MECOM: variants seen among roughly 807,000 people sequenced by gnomAD.
MECOM encodes histone-lysine N-methyltransferase MECOM.
Under a neutral mutation model 116.3 loss-of-function variants are expected in MECOM, and 13 were observed. That is an observed-to-expected ratio of 0.11 (90% CI 0.07 to 0.18). MECOM has a LOEUF of 0.18. MECOM is among the 10% of genes least tolerant of loss of function. The pLI is 1.00. For synonymous variants in MECOM, 528 were observed against 535.2 expected, an observed-to-expected ratio of 0.99 and a Z score of 0.19; for missense variants, 1,299 against 1,509.0, an observed-to-expected ratio of 0.86 and a Z score of 2.31.
chr3:169,287,286 A>G lies in MECOM; in HGVS notation c.375+93901T>C, dbSNP rs74192464. On this transcript the variant is annotated intron_variant, in intron 2 of 16. Transcript: ENST00000651503. ...AGGCTTATCTGCTCCCTATCTCACC[A>G]TTGCTTACCACAGGGCCTGTCCACT... Among the ~76,000 whole-genome samples the G allele has an allele frequency of 3.2e-4, 49 of 152,292 alleles. No individual in the cohort carries two copies. In the East Asian group the frequency reaches 7.5e-3, roughly 23 times the overall value.
chr3:169,250,726 T>C (rs917196108), intron 2 of MECOM, among the ~76,000 whole-genome samples: 4 of 152,160 alleles, frequency 2.6e-5, no homozygotes, highest in Admixed American at 6.6e-5. Context: ...GCATGAACTA[T>C]GGCCAACTAA....
At chr3:169,095,340 AAAC>A (rs1165266854) in intron 12 of MECOM, 95 bp from the exon 13 acceptor site, 2 of 1,038,724 alleles carry the variant, frequency 1.9e-6, no homozygotes, top group Non-Finnish European at 2.7e-6. Flanking sequence ...TCCACTCATA[AAAC>A]AACATTTTAA....
intron 2 of MECOM, among the ~76,000 whole-genome samples, chr3:169,148,200 T>C (rs1740480959): frequency 6.6e-6 from 1 of 152,200 alleles, no homozygotes; most frequent in African/African-American, 2.4e-5. Context: ...GAGAGATTGA[T>C]GACTGTCTGG....
chr3:169,139,648 G>A (rs1386850825), intron 3 of MECOM, among the ~76,000 whole-genome samples: 1 of 152,132 alleles, frequency 6.6e-6, no homozygotes, highest in Non-Finnish European at 1.5e-5. Context: ...CTATGAAGAT[G>A]TATTAGAGTA....
chr3:169,246,992 A>G (rs1308973240), intron 2 of MECOM, among the ~76,000 whole-genome samples: 1 of 152,220 alleles, frequency 6.6e-6, no homozygotes, highest in Non-Finnish European at 1.5e-5. Flanking sequence ...TTCTCTGGCA[A>G]TAGCCTATTA....
intron 2 of MECOM, among the ~76,000 whole-genome samples, chr3:169,350,737 T>C (rs765911250): frequency 3.3e-5 from 5 of 152,040 alleles, no homozygotes; most frequent in African/African-American, 4.8e-5. Context: ...CAATTACTTA[T>C]GTGACTCATG....
At chr3:169,549,226 C>T (rs749841588) in intron 1 of MECOM, among the ~76,000 whole-genome samples, 12 of 152,072 alleles carry the variant, frequency 7.9e-5, no homozygotes, top group Non-Finnish European at 1.6e-4. Flanking sequence ...CCCACCTTGG[C>T]CTCCCAAAGT....
intron 2 of MECOM, among the ~76,000 whole-genome samples, chr3:169,265,829 T>A (rs1007274558): frequency 6.6e-6 from 1 of 152,198 alleles, no homozygotes; most frequent in Non-Finnish European, 1.5e-5. Context: ...AGGACCTCTG[T>A]CCCTTCTGCA....
chr3:169,490,711 T>C (rs1361872306), intron 1 of MECOM, among the ~76,000 whole-genome samples: 3 of 152,146 alleles, frequency 2.0e-5, no homozygotes, highest in Non-Finnish European at 4.4e-5. Context: ...ATCGAAATAC[T>C]TTACACCAAC....
chr3:169,454,903 G>A lies in MECOM; in HGVS notation c.38-73379C>T, dbSNP rs1437216350. Among the ~76,000 whole-genome samples, 8 of 152,288 alleles carry A rather than the reference G, an allele frequency of 5.3e-5. No homozygotes were observed. The South Asian group carries it at 8.3e-4, about 16-fold the overall frequency. ...CCCTGATGACTACCAAAGATTGGCT[G>A]CTTTATAAATATTTAATGCTTGCCA... On this transcript the variant is annotated intron_variant, in intron 1 of 16. Coordinates refer to ENST00000651503, the MANE Select transcript of MECOM (RefSeq NM_004991.4).
rs897936682 is a variant in MECOM, at chr3:169,474,036, G to A, written c.38-92512C>T. On this transcript the variant is annotated intron_variant, in intron 1 of 16. Coordinates refer to ENST00000651503, the MANE Select transcript of MECOM (RefSeq NM_004991.4). ...TGGGTCAGTAGCTTAGGTAGAAATG[G>A]TCCAGGTTTGAGAATGCTAATGAGC... is the stretch of plus-strand genomic sequence containing the variant. Among the ~76,000 whole-genome samples the A allele has an allele frequency of 3.9e-5, 6 of 152,052 alleles. No individual in the cohort carries two copies. In the East Asian group the frequency reaches 9.6e-4, roughly 24 times the overall value.
At chr3:169,581,416 T>C (rs902786982) in intron 1 of MECOM, among the ~76,000 whole-genome samples, 8 of 152,122 alleles carry the variant, frequency 5.3e-5, no homozygotes, top group Admixed American at 1.3e-4. Context: ...CCTACCATGA[T>C]AGTCTTTATT....
At chr3:169,147,759 T>G in intron 2 of MECOM, 1 of 977,168 alleles carries the variant, frequency 1.0e-6, no homozygotes, top group Non-Finnish European at 1.2e-6. Flanking sequence ...TGTGCATGTG[T>G]GTGTGTGAGA....
At chr3:169,111,438 A>G (rs1727365374) in intron 9 of MECOM, among the ~76,000 whole-genome samples, 1 of 152,156 alleles carries the variant, frequency 6.6e-6, no homozygotes, top group Non-Finnish European at 1.5e-5. Context: ...TACTTTTTGT[A>G]CAATATCTGA....
chr3:169,123,602 C>A (rs962447690), intron 5 of MECOM, among the ~76,000 whole-genome samples: 1 of 151,926 alleles, frequency 6.6e-6, no homozygotes, highest in Non-Finnish European at 1.5e-5. Context: ...GTCTGCAACA[C>A]CTTTATTGAT....
At chr3:169,464,040 G>T (rs1343824390) in intron 1 of MECOM, 2 of 152,168 alleles carry the variant, frequency 1.3e-5, no homozygotes, top group African/African-American at 4.8e-5. Flanking sequence ...CCAGGCAGAA[G>T]AGAAGACTCA....
At chr3:169,256,690 A>G (rs982663800) in intron 2 of MECOM, among the ~76,000 whole-genome samples, 1 of 152,224 alleles carries the variant, frequency 6.6e-6, no homozygotes, top group Non-Finnish European at 1.5e-5. Context: ...TTTAAGCTGG[A>G]TCCAGTAGAT....
chr3:169,197,331 TAAATAAATAAATA>T (rs1318423963), intron 2 of MECOM, among the ~76,000 whole-genome samples: 6 of 69,994 alleles, frequency 8.6e-5, no homozygotes, highest in South Asian at 6.1e-4. Context: ...AATAAATAAA[TAAATAAATAAATA>T]AAATAAAATA....
chr3:169,086,487 C>A, intron 16 of MECOM: 1 of 656,476 alleles, frequency 1.5e-6, no homozygotes, highest in Non-Finnish European at 2.7e-6. Flanking sequence ...AATTTTAATC[C>A]TGCCTTTAAA....
Sources: allele counts gnomAD v4.1 joint callset (sites outside exome capture counted in the v4.1 genomes callset), GRCh38; gene constraint gnomAD v4.1.1; transcripts MANE v1.5; gene names NCBI Gene and HGNC (gene_info 2026-07-23, HGNC 2026-07-21).